The following SNPH variants were observed in gnomAD, a reference collection of about 807,000 sequenced individuals.
SNPH encodes the protein syntaphilin.
In SNPH, 10 loss-of-function variants were observed where a neutral mutation model predicts 36.8. That is an observed-to-expected ratio of 0.27 (90% CI 0.17 to 0.46). The LOEUF is 0.46. Among genes scored for constraint, SNPH ranks in the 20% least tolerant of loss-of-function variants. The pLI is 1.00. For synonymous variants in SNPH, 281 were observed against 312.2 expected (o/e 0.90, Z 1.05); for missense variants, 622 against 744.0 (o/e 0.84, Z 1.91).
At position 1,266,700 on chromosome 20, in the gene SNPH, T is replaced by C. The variant is rs568507420; in HGVS notation, c.-553T>C. 4.1e-6 allele frequency: 6 copies of C among 1,447,806 alleles called. No homozygotes were observed. The South Asian group carries it at 7.2e-5, about 17-fold the overall frequency. 89.7% of individuals were successfully genotyped at this position (1,447,806 alleles called of 1,614,324 possible). A position where few individuals can be genotyped will look rare whatever the true frequency, so the allele number is the denominator to read the frequency against. ...GCTGCAGCAGCGACTGCAGAGGCGC[T>C]GCGCCAAGCCGGGCCGGAGTGGTGC... On this transcript the variant is annotated 5_prime_UTR_variant, in exon 2 of 7. Transcript: ENST00000381867. This position sits in a 1 kb window ranked among gnomAD's most constrained non-coding sequence, Gnocchi z 6.0.
intron 6 of SNPH, among the ~76,000 whole-genome samples, chr20:1,302,832 G>A (rs966144686): frequency 3.3e-5 from 5 of 152,252 alleles, no homozygotes; most frequent in Non-Finnish European, 5.9e-5. Context: ...AGCATTCAGC[G>A]AGCTTCATTG....
In SNPH at chr20:1,305,346, A is replaced by G. The variant is rs748601042; in HGVS notation, c.909A>G (p.Glu303=). The change falls in exon 7 of 7, where the codon GAA becomes GAG. Residue 303 remains glutamate (E), a synonymous_variant. Coordinates refer to ENST00000381867, the MANE Select transcript of SNPH (RefSeq NM_001318234.2). ...CACTGAGCCGGACGGACGCGCTGGA[A>G]GCCAGCAGCCTGCTGTCGTCGGGGG... ...DDTLSRTDAL[E]ASSLLSSGVD... is the part of the protein sequence containing the mutation. 6.2e-7 allele frequency: 1 copy of G among 1,611,822 alleles called. No individual in the cohort carries two copies. The highest frequency in any genetic ancestry group is 1.7e-5 in the Admixed American group (1 of 60,006).
chr20:1,301,200 TGGA>T (rs2088503357), intron 6 of SNPH, among the ~76,000 whole-genome samples: 1 of 152,196 alleles, frequency 6.6e-6, no homozygotes, highest in South Asian at 2.1e-4. Context: ...CTTCCTGCTG[TGGA>T]GGATGATGAT....
chr20:1,296,270 A>C lies in SNPH; in HGVS notation c.31A>C (p.Thr11Pro). 6.4e-7 allele frequency: 1 copy of C among 1,555,632 alleles called. No individual in the cohort carries two copies. The highest frequency in any genetic ancestry group is 8.7e-7 in the Non-Finnish European group (1 of 1,152,302). MPGSGPSERM[T>P]WPGPALSAGP... ...GGGCAGCGGCCCCAGCGAGAGGATG[A>C]CGTGGCCTGGCCCGGCCCTTTCTGC... is the stretch of plus-strand genomic sequence containing the variant. Residue 11 changes from threonine to proline, a missense_variant, in exon 4 of 7, where the codon ACG becomes CCG. By Grantham distance (38) the Thr-to-Pro change is conservative. This residue lies in a region of SNPH where 187 missense variants were observed against 209.4 expected (regional missense o/e 0.89). Transcript: ENST00000381867.
Position 1,299,042 on chromosome 20 carries a change from C to T in SNPH, c.291-1520C>T, listed in dbSNP as rs182978339. Among the ~76,000 whole-genome samples the T allele has an allele frequency of 1.1e-3, 174 of 151,920 alleles. 3 individuals carry two copies. Among genetic ancestry groups the T allele is most frequent in the Admixed American group, 7.5e-3 (114 of 15,262 alleles). Reference sequence around the variant, plus strand: ...ACCCCTTGCCAAGGGGTGACTCCTCCGCCCCTTGCCAAGCAGAGAGGAGAC... The same window carrying T: ...ACCCCTTGCCAAGGGGTGACTCCTCTGCCCCTTGCCAAGCAGAGAGGAGAC... On this transcript the variant is annotated intron_variant, in intron 5 of 6. Coordinates refer to ENST00000381867, the MANE Select transcript of SNPH (RefSeq NM_001318234.2).
chr20:1,281,610 G>A (rs2088224194), intron 2 of SNPH, among the ~76,000 whole-genome samples: 2 of 152,252 alleles, frequency 1.3e-5, no homozygotes, highest in East Asian at 3.9e-4. Flanking sequence ...ACAGAATGTG[G>A]AATGCTCCTC....
intron 2 of SNPH, among the ~76,000 whole-genome samples, chr20:1,275,149 G>T (rs924231378): frequency 1.3e-5 from 2 of 152,200 alleles, no homozygotes; most frequent in African/African-American, 4.8e-5. Flanking sequence ...GGAGCCACTC[G>T]CTTCCTCAGA....
chr20:1,303,251 C>A (rs774101778), intron 6 of SNPH, among the ~76,000 whole-genome samples: 15 of 152,244 alleles, frequency 9.9e-5, no homozygotes, highest in Non-Finnish European at 1.6e-4. Flanking sequence ...TTGAGATGCC[C>A]TGCCTTCTAT....
In SNPH at chr20:1,307,330, C is replaced by T. The variant is rs1205923932; in HGVS notation, c.*1276C>T. 2.0e-5 allele frequency: 3 copies of T among 152,248 alleles called. No homozygotes were observed. The highest frequency in any genetic ancestry group is 7.2e-5 in the African/African-American group (3 of 41,452). The allele number at this position is 152,248 out of a possible 1,614,324, so 9.4% of individuals were successfully genotyped here. On this transcript the variant is annotated 3_prime_UTR_variant, in exon 7 of 7. Transcript: ENST00000381867. ...GAGCAGGTAGGCGCCCTGCAGCCTC[C>T]CTGCTCCCAGCCCAAGGCCAGTCGG...
intron 2 of SNPH, among the ~76,000 whole-genome samples, chr20:1,278,968 G>A (rs573148293): frequency 6.6e-6 from 1 of 152,324 alleles, no homozygotes; most frequent in East Asian, 1.9e-4. Flanking sequence ...TCATCTGTTT[G>A]TTGATGGACA....
At chr20:1,280,955 G>C (rs1170068040) in intron 2 of SNPH, among the ~76,000 whole-genome samples, 2 of 152,182 alleles carry the variant, frequency 1.3e-5, no homozygotes, top group Non-Finnish European at 2.9e-5. Flanking sequence ...CCAGGGTGCT[G>C]CTGTTCACAA....
At chr20:1,269,290 G>T in intron 2 of SNPH, among the ~76,000 whole-genome samples, 1 of 152,160 alleles carries the variant, frequency 6.6e-6, no homozygotes, top group East Asian at 1.9e-4. Context: ...CTGTCGAGTG[G>T]ATTTTGTTAA....
At chr20:1,279,920 G>A (rs1033876246) in intron 2 of SNPH, among the ~76,000 whole-genome samples, 3 of 152,180 alleles carry the variant, frequency 2.0e-5, no homozygotes, top group Non-Finnish European at 2.9e-5. Flanking sequence ...GCCTTCCTGT[G>A]GGTGAGAGAC....
intron 2 of SNPH, among the ~76,000 whole-genome samples, chr20:1,292,927 G>T (rs1202020614): frequency 1.3e-5 from 2 of 152,218 alleles, no homozygotes; most frequent in African/African-American, 2.4e-5. Flanking sequence ...TGGCTTGAAT[G>T]TGTTTCTGTT....
chr20:1,271,218 A>C (rs1388150587), intron 2 of SNPH, among the ~76,000 whole-genome samples: 1 of 152,200 alleles, frequency 6.6e-6, no homozygotes, highest in African/African-American at 2.4e-5. Flanking sequence ...CCGTTGACCC[A>C]CTGGGTGGCC....
In SNPH at chr20:1,296,375, G is replaced by A; in HGVS notation, c.136G>A (p.Ala46Thr). ...PPLTRTHSLM[A>T]MSLPGSRRTS... ...CCTTACTCGGACCCACAGCCTCATG[G>A]CCATGTCCCTGCCAGGAAGTAGACG... The change falls in exon 4 of 7, where the codon GCC becomes ACC. Residue 46 changes from alanine (A) to threonine (T), a missense_variant. Coordinates refer to ENST00000381867, the MANE Select transcript of SNPH (RefSeq NM_001318234.2). 1 of 1,605,060 alleles carries A rather than the reference G, an allele frequency of 6.2e-7. No individual in the cohort carries two copies. The highest frequency in any genetic ancestry group is 8.5e-7 in the Non-Finnish European group (1 of 1,175,828).
chr20:1,293,089 T>C (rs2088384286), intron 2 of SNPH, among the ~76,000 whole-genome samples: 1 of 152,238 alleles, frequency 6.6e-6, no homozygotes, highest in Admixed American at 6.5e-5. Context: ...GAGCCCCAGT[T>C]ATTACAGATA....
At chr20:1,289,830 T>C (rs1251349198) in intron 2 of SNPH, among the ~76,000 whole-genome samples, 1 of 151,354 alleles carries the variant, frequency 6.6e-6, no homozygotes, top group Non-Finnish European at 1.5e-5. Context: ...ACCCTGGCTC[T>C]AAAAAAAAAT....
At chr20:1,283,664 G>A (rs2088251834) in intron 2 of SNPH, among the ~76,000 whole-genome samples, 1 of 152,148 alleles carries the variant, frequency 6.6e-6, no homozygotes, top group Non-Finnish European at 1.5e-5. Flanking sequence ...GCATGATACG[G>A]CCGTGGGCTG....
Sources: gnomAD v4.1 joint callset for allele counts (sites outside exome capture counted in the v4.1 genomes callset) on GRCh38, gnomAD v4.1.1 for gene constraint, gnomAD v4.1.1 regional missense constraint, Gnocchi (gnomAD v3.1) non-coding constraint, MANE v1.5 for transcripts, NCBI Gene and HGNC (gene_info 2026-07-23, HGNC 2026-07-21) for gene names.